The following MTFR1 variants were observed in gnomAD, a reference collection of about 807,000 sequenced individuals.
MTFR1 encodes mitochondrial fission regulator 1.
A neutral mutation model predicts 38.8 loss-of-function variants in MTFR1; 28 were observed. That is an observed-to-expected ratio of 0.72 (90% confidence interval 0.53 to 0.99). MTFR1 has a LOEUF of 0.99. Among genes scored for constraint, MTFR1 ranks in the 50% least tolerant of loss-of-function variants. The pLI, the probability that MTFR1 is intolerant of heterozygous loss-of-function variation, is 0.00. For missense variants in MTFR1, 358 were observed against 395.5 expected (o/e 0.91, Z 0.81); for synonymous variants, 145 against 137.0 (o/e 1.06, Z -0.41).
chr8:65,689,050 C>T (rs1208970083), intron 3 of MTFR1, among the ~76,000 whole-genome samples: 2 of 152,056 alleles, frequency 1.3e-5, no homozygotes, highest in Admixed American at 6.6e-5. Flanking sequence ...GAGGCTGAGG[C>T]AGGAGAATTG....
chr8:65,650,676 A>G (rs999425432), intron 1 of MTFR1, among the ~76,000 whole-genome samples: 1 of 152,164 alleles, frequency 6.6e-6, no homozygotes, highest in East Asian at 1.9e-4. Context: ...TATATGTATC[A>G]CATTTTCTTT....
intron 1 of MTFR1, among the ~76,000 whole-genome samples, chr8:65,649,033 ATAAC>A (rs1809044875): frequency 6.6e-6 from 1 of 151,818 alleles, no homozygotes; most frequent in Non-Finnish European, 1.5e-5. Context: ...CAATGATAAA[ATAAC>A]AATATGACAA....
At chr8:65,677,606 T>C (rs1452026004) in intron 2 of MTFR1, among the ~76,000 whole-genome samples, 2 of 150,728 alleles carry the variant, frequency 1.3e-5, no homozygotes, top group Non-Finnish European at 3.0e-5. Flanking sequence ...GGTCTTGAAC[T>C]CCTGAGCTCG....
At chr8:65,737,364 T>C (rs1481580060) in intron 3 of MTFR1, among the ~76,000 whole-genome samples, 1 of 152,104 alleles carries the variant, frequency 6.6e-6, no homozygotes, top group Non-Finnish European at 1.5e-5. Flanking sequence ...ATCTTTATAA[T>C]TGCCAGTATA....
At chr8:65,656,607 T>C (rs1465214912) in intron 1 of MTFR1, among the ~76,000 whole-genome samples, 1 of 151,182 alleles carries the variant, frequency 6.6e-6, no homozygotes, top group Non-Finnish European at 1.5e-5. Flanking sequence ...ATTCAAGCGA[T>C]TCTCACGCCT....
At chr8:65,711,065 C>T (rs1000242289), downstream of MTFR1, among the ~76,000 whole-genome samples, 1 of 151,914 alleles carries the variant, frequency 6.6e-6, no homozygotes, top group African/African-American at 2.4e-5. Flanking sequence ...GGACTTGGAG[C>T]TTTACATGAT....
intron 2 of MTFR1, among the ~76,000 whole-genome samples, chr8:65,716,756 C>G (rs1003634047): frequency 6.6e-6 from 1 of 152,204 alleles, no homozygotes; most frequent in Non-Finnish European, 1.5e-5. Context: ...TAGTTCCACT[C>G]TCTATGTACT....
rs1554544273 is a variant in MTFR1, at chr8:65,645,692, T to TCCC, written c.-81+920_-81+922dup. Among the ~76,000 whole-genome samples, 29 of 83,168 alleles carry TCCC rather than the reference T, an allele frequency of 3.5e-4. 3 individuals are homozygous for TCCC. The highest frequency in any genetic ancestry group is 1.5e-3 in the South Asian group (2 of 1,324). 54.6% of individuals were successfully genotyped at this position (83,168 alleles called of 152,430 possible). ...AGGCAGGCGCCATCACGCCCGGCTT[T>TCCC]CCCCCCCCCCCCCCTTTGTAGAGAT... On this transcript the variant is annotated intron_variant, in intron 1 of 7. Coordinates refer to ENST00000262146, the MANE Select transcript of MTFR1 (RefSeq NM_014637.4).
At chr8:65,737,016 G>A (rs1266074443) in intron 3 of MTFR1, among the ~76,000 whole-genome samples, 1 of 151,282 alleles carries the variant, frequency 6.6e-6, no homozygotes. Context: ...GATGAGGTGG[G>A]AGGCTGGCTG....
the MTFR1 span, among the ~76,000 whole-genome samples, chr8:65,777,187 C>A: frequency 6.8e-6 from 1 of 146,000 alleles, no homozygotes; most frequent in African/African-American, 2.5e-5. Flanking sequence ...TCAAGCGATT[C>A]TCCTGCCTCG....
intron 1 of MTFR1, among the ~76,000 whole-genome samples, chr8:65,664,933 ATTTTTTTTTTT>A (rs374209617): frequency 5.6e-5 from 7 of 125,702 alleles, no homozygotes; most frequent in Non-Finnish European, 9.8e-5. Flanking sequence ...TTAAAAAAAA[ATTTTTTTTTTT>A]TTTTTTTTTT....
chr8:65,768,789 T>C (rs1808926875), intron 3 of MTFR1, among the ~76,000 whole-genome samples: 1 of 152,206 alleles, frequency 6.6e-6, no homozygotes, highest in Non-Finnish European at 1.5e-5. Flanking sequence ...ACTCATAAAC[T>C]ATGTAAATAT....
chr8:65,733,398 A>T (rs375167111), intron 3 of MTFR1, among the ~76,000 whole-genome samples: 2 of 152,138 alleles, frequency 1.3e-5, no homozygotes, highest in East Asian at 3.8e-4. Flanking sequence ...TTACTCATCA[A>T]TCTCTCCCAC....
chr8:65,754,510 G>T (rs549894075), intron 3 of MTFR1, among the ~76,000 whole-genome samples: 1 of 151,310 alleles, frequency 6.6e-6, no homozygotes, highest in South Asian at 2.1e-4. Context: ...ACTAATTTTT[G>T]TATTTTTAGT....
At chr8:65,651,980 A>G (rs1050323187) in intron 1 of MTFR1, among the ~76,000 whole-genome samples, 2 of 147,854 alleles carry the variant, frequency 1.4e-5, no homozygotes, top group African/African-American at 5.0e-5. Context: ...TTTTTTTCAG[A>G]CAAGGTTTTG....
At chr8:65,752,800 A>G (rs931765955) in intron 3 of MTFR1, among the ~76,000 whole-genome samples, 2 of 152,232 alleles carry the variant, frequency 1.3e-5, no homozygotes, top group Admixed American at 1.3e-4. Context: ...AAACACCTTT[A>G]TGTGTTTTCT....
chr8:65,646,002 C>T (rs1266880702), intron 1 of MTFR1, among the ~76,000 whole-genome samples: 1 of 152,094 alleles, frequency 6.6e-6, no homozygotes, highest in Non-Finnish European at 1.5e-5. Context: ...GTTTGTACTA[C>T]CAGAATTTAG....
intron 3 of MTFR1, among the ~76,000 whole-genome samples, chr8:65,736,670 G>A (rs1807141156): frequency 6.6e-6 from 1 of 151,972 alleles, no homozygotes; most frequent in African/African-American, 2.4e-5. Context: ...AGGATCGCAT[G>A]AGCCGAGAGG....
At chr8:65,699,365 G>T (rs1268723117) in intron 4 of MTFR1, among the ~76,000 whole-genome samples, 1 of 152,172 alleles carries the variant, frequency 6.6e-6, no homozygotes, top group African/African-American at 2.4e-5. Flanking sequence ...CCAATAGAGG[G>T]ATTGCTGGGT....
Sources: gnomAD v4.1 joint callset for allele counts (sites outside exome capture counted in the v4.1 genomes callset) on GRCh38, gnomAD v4.1.1 for gene constraint, MANE v1.5 for transcripts, NCBI Gene and HGNC (gene_info 2026-07-23, HGNC 2026-07-21) for gene names.